The following NUDC variants were observed in gnomAD, a reference collection of about 807,000 sequenced individuals.
The protein encoded by NUDC is nuclear migration protein nudC.
Under a neutral mutation model 45.0 loss-of-function variants are expected in NUDC, and 14 were observed. The ratio of observed to expected loss-of-function variants is 0.31; its 90% confidence interval spans 0.21 to 0.49. The LOEUF (loss-of-function observed/expected upper bound fraction) is 0.49. NUDC is among the 20% of genes least tolerant of loss of function. NUDC has a pLI of 0.99. For missense variants in NUDC, 323 were observed against 426.2 expected (o/e 0.76, Z 2.13); for synonymous variants, 153 against 156.7 (o/e 0.98, Z 0.17).
intron 2 of NUDC, among the ~76,000 whole-genome samples, chr1:26,927,369 A>C (rs1296550217): frequency 7.0e-6 from 1 of 143,468 alleles, no homozygotes; most frequent in Non-Finnish European, 1.5e-5. Flanking sequence ...TAGCCTCCCA[A>C]AGTGCTGGGA....
At position 26,911,982 on chromosome 1, in the gene NUDC, G is replaced by A. The variant is rs199976415; in HGVS notation, c.93+747G>A. 2.4e-5 allele frequency: 39 copies of A among 1,614,220 alleles called. No homozygotes were observed. In the East Asian group the frequency reaches 4.5e-4, roughly 18 times the overall value. ...GCCGTGAGGAGGACACGGGTCAGGC[G>A]GCCTTGGGCTGCTGGGCACCAGGGT... On this transcript the variant is annotated intron_variant, in intron 3 of 6. Coordinates refer to the NUDC transcript ENST00000435827.
chr1:26,927,264 CGTGTGTGTGTGTGT>C (rs60238934), intron 2 of NUDC, among the ~76,000 whole-genome samples: 11 of 91,830 alleles, frequency 1.2e-4, no homozygotes, highest in African/African-American at 2.9e-4. Flanking sequence ...AGAGATGAAC[CGTGTGTGTGTGTGT>C]GTGTGTGTGT....
At position 26,933,926 on chromosome 1, in the gene NUDC, G is replaced by A. The variant is rs528210880; in HGVS notation, c.160-7531G>A. Reference sequence around the variant, plus strand: ...TCCCACCACTTTGGGTGGCCAAGGTGGGCAGATCACGAGGTCAGGAGATCA... The same window carrying A: ...TCCCACCACTTTGGGTGGCCAAGGTAGGCAGATCACGAGGTCAGGAGATCA... On this transcript the variant is annotated intron_variant, in intron 2 of 8. Transcript: ENST00000321265. Among the ~76,000 whole-genome samples the A allele has an allele frequency of 2.0e-5, 3 of 152,242 alleles. No individual in the cohort carries two copies. In the South Asian group the frequency reaches 6.2e-4, roughly 32 times the overall value.
intron 1 of NUDC, chr1:26,922,639 C>T (rs1375602778): frequency 6.6e-6 from 1 of 152,654 alleles, no homozygotes; most frequent in Non-Finnish European, 1.5e-5. Flanking sequence ...GTAGAAAAGT[C>T]TGTCAGGATC....
intron 1 of NUDC, among the ~76,000 whole-genome samples, chr1:26,923,496 G>A (rs987054017): frequency 6.6e-6 from 1 of 151,386 alleles, no homozygotes; most frequent in Non-Finnish European, 1.5e-5. Flanking sequence ...TTTTTGTTTA[G>A]ACAAGAGTCT....
intron 3 of NUDC, chr1:26,913,482 C>T (rs1430461757): frequency 1.9e-6 from 3 of 1,613,938 alleles, no homozygotes; most frequent in South Asian, 2.2e-5. Flanking sequence ...AGAAGGACTC[C>T]AGACAGCATT....
In NUDC at chr1:26,941,557, G is replaced by C. The variant is rs757488340; in HGVS notation, c.260G>C (p.Arg87Pro). 3.1e-6 allele frequency: 5 copies of C among 1,611,212 alleles called. No homozygotes were observed. The highest frequency in any genetic ancestry group is 4.2e-6 in the Non-Finnish European group (5 of 1,178,976). Residue 87 changes from arginine (R) to proline (P), a missense_variant, in exon 3 of 9, where the codon CGG becomes CCG. By Grantham distance (103) the Arg-to-Pro change is moderately radical (BLOSUM62 -2). Transcript: ENST00000321265. Reference protein sequence around the residue: ...QEAERREKAERAARLAKEAKS... With the variant: ...QEAERREKAEPAARLAKEAKS... The stretch of plus-strand genomic sequence containing the variant: ...GCCGAGCGGCGGGAGAAGGCGGAGC[G>C]GGCGGCCAGACTGGCCAAGGAAGCC...
chr1:26,920,932 C>G (rs539359543), upstream of NUDC, among the ~76,000 whole-genome samples: 6 of 152,134 alleles, frequency 3.9e-5, no homozygotes, highest in Non-Finnish European at 7.4e-5. Flanking sequence ...ATGCAAGAAC[C>G]CCATCTCTAA....
At chr1:26,935,412 G>T (rs1322461236) in intron 2 of NUDC, among the ~76,000 whole-genome samples, 2 of 152,142 alleles carry the variant, frequency 1.3e-5, no homozygotes, top group Non-Finnish European at 2.9e-5. Context: ...GTTCTGCATG[G>T]CTGAGGAAGC....
At chr1:26,931,377 C>CTTTT (rs796368735) in intron 2 of NUDC, among the ~76,000 whole-genome samples, 14 of 76,968 alleles carry the variant, frequency 1.8e-4, no homozygotes, top group South Asian at 4.9e-4. Context: ...TGCGCCTGGC[C>CTTTT]TTTTTTTTTT....
intron 2 of NUDC, chr1:26,929,639 C>A: frequency 2.9e-6 from 1 of 344,676 alleles, no homozygotes; most frequent in Non-Finnish European, 6.1e-6. Flanking sequence ...GTGGGACTAC[C>A]CTATTGCATT....
intron 2 of NUDC, among the ~76,000 whole-genome samples, chr1:26,927,657 A>T (rs1244681967): frequency 1.3e-5 from 2 of 151,782 alleles, no homozygotes; most frequent in Non-Finnish European, 2.9e-5. Flanking sequence ...CGGCCCCTCA[A>T]AGTGCTGGGA....
rs1255051056 is a variant in NUDC at position 26,946,416 on chromosome 1, C to CCTCT, written c.*236_*239dup. 1 of 555,036 alleles carries CCTCT rather than the reference C, an allele frequency of 1.8e-6. No homozygotes were observed. The highest frequency in any genetic ancestry group is 3.0e-5 in the Admixed American group (1 of 33,064). 34.4% of individuals were successfully genotyped at this position (555,036 alleles called of 1,614,324 possible). ...CCAGCTCCTTCTGTGTCCTCTCTTG[C>CCTCT]CTCTGGCCTTTCTCTGGGGCACAGG... On this transcript the variant is annotated 3_prime_UTR_variant, in exon 9 of 9. Coordinates refer to ENST00000321265, the MANE Select transcript of NUDC (RefSeq NM_006600.4).
chr1:26,925,392 T>C (rs1419334812), intron 2 of NUDC, among the ~76,000 whole-genome samples: 1 of 150,550 alleles, frequency 6.6e-6, no homozygotes. Context: ...CACAAAAAAT[T>C]AGCCAGGCGA....
intron 2 of NUDC, among the ~76,000 whole-genome samples, chr1:26,926,021 CT>C (rs60714498): frequency 3.1e-3 from 445 of 142,036 alleles, no homozygotes; most frequent in Middle Eastern, 0.015. Context: ...CATGCCCAGC[CT>C]TTTTTTTTTT....
chr1:26,926,992 A>G (rs1415954204), intron 2 of NUDC, among the ~76,000 whole-genome samples: 1 of 152,166 alleles, frequency 6.6e-6, no homozygotes, highest in Middle Eastern at 3.2e-3. Context: ...GTGAATACAG[A>G]TTTGTTCTTT....
intron 2 of NUDC, among the ~76,000 whole-genome samples, 188 bp from the exon 3 acceptor site, chr1:26,941,269 G>A (rs1018316364): frequency 6.6e-6 from 1 of 151,906 alleles, no homozygotes; most frequent in Non-Finnish European, 1.5e-5. Flanking sequence ...TGAGACAGGT[G>A]CTTTGCAGGT....
At chr1:26,942,827 A>G (rs746047226) in intron 5 of NUDC, 44 bp from the exon 6 acceptor site, 1 of 1,614,072 alleles carries the variant, frequency 6.2e-7, no homozygotes, top group Non-Finnish European at 8.5e-7. Flanking sequence ...CTGGGGTACC[A>G]GCAGCACTTA....
intron 1 of NUDC, 27 bp downstream of exon 1, chr1:26,921,956 C>G (rs1005748666): frequency 4.5e-6 from 7 of 1,547,352 alleles, no homozygotes; most frequent in Non-Finnish European, 1.7e-6. Context: ...CGTCGGCCCA[C>G]CCGGCGGCCT....
Sources: allele counts gnomAD v4.1 joint callset (sites outside exome capture counted in the v4.1 genomes callset), GRCh38; gene constraint gnomAD v4.1.1; transcripts MANE v1.5; gene names NCBI Gene and HGNC (gene_info 2026-07-23, HGNC 2026-07-21).